Variants in MAN1A1 observed in about 807,000 individuals in gnomAD.
MAN1A1 encodes the protein mannosyl-oligosaccharide 1,2-alpha-mannosidase IA.
Under a neutral mutation model 70.8 loss-of-function variants are expected in MAN1A1, and 29 were observed. That is an observed-to-expected ratio of 0.41 (90% confidence interval 0.31 to 0.56). The LOEUF (loss-of-function observed/expected upper bound fraction) is 0.56. MAN1A1 is among the 20% of genes least tolerant of loss of function. MAN1A1 has a pLI of 0.29. For missense variants in MAN1A1, 747 were observed against 841.3 expected (o/e 0.89, Z 1.39); for synonymous variants, 349 against 330.1 (o/e 1.06, Z -0.62).
chr6:119,195,916 T>TG (rs1773557153), intron 8 of MAN1A1, among the ~76,000 whole-genome samples: 1 of 152,234 alleles, frequency 6.6e-6, no homozygotes, highest in Non-Finnish European at 1.5e-5. Context: ...CAGAAACCTC[T>TG]GACATTTACA....
intron 5 of MAN1A1, among the ~76,000 whole-genome samples, chr6:119,260,238 T>C (rs1015863137): frequency 6.6e-6 from 1 of 152,216 alleles, no homozygotes; most frequent in Non-Finnish European, 1.5e-5. Context: ...TTGAGCCAAT[T>C]TGGCCAAAGG....
chr6:119,309,989 T>G (rs1298980198), intron 2 of MAN1A1, among the ~76,000 whole-genome samples: 1 of 152,210 alleles, frequency 6.6e-6, no homozygotes, highest in Non-Finnish European at 1.5e-5. Flanking sequence ...GTATACAGGA[T>G]GCTGTCTCAT....
chr6:119,240,957 T>C, intron 6 of MAN1A1, among the ~76,000 whole-genome samples: 1 of 152,190 alleles, frequency 6.6e-6, no homozygotes, highest in Non-Finnish European at 1.5e-5. Flanking sequence ...TGCTTCATTC[T>C]TCACAGTACC....
chr6:119,207,758 T>TG (rs35144225), intron 6 of MAN1A1, among the ~76,000 whole-genome samples: 1 of 152,060 alleles, frequency 6.6e-6, no homozygotes, highest in South Asian at 2.1e-4. Flanking sequence ...GACACTCAAA[T>TG]GGGGGGGTTG....
At position 119,179,897 on chromosome 6, in the gene MAN1A1, A is replaced by G. The variant is rs753709393; in HGVS notation, c.1884T>C (p.His628=). 12 of 1,613,230 alleles carry G rather than the reference A, an allele frequency of 7.4e-6. No homozygotes were observed. Among genetic ancestry groups the G allele is most frequent in the East Asian group, 2.2e-5 (1 of 44,878 alleles). Residue 628 remains histidine, a synonymous_variant, in exon 13 of 13, where the codon CAT becomes CAC. Transcript: ENST00000368468. The part of the protein sequence containing the change: ...FSDDDLLPLE[H]WIFNSEAHLL... ...GATGTGCCTCGCTATTGAAGATCCA[A>G]TGCTCCAGTGGAAGAAGATCGTCGT...
At chr6:119,236,751 T>C (rs1172767249) in intron 6 of MAN1A1, among the ~76,000 whole-genome samples, 2 of 152,068 alleles carry the variant, frequency 1.3e-5, no homozygotes, top group Non-Finnish European at 1.5e-5. Flanking sequence ...TCAAGTGTTA[T>C]TATTTAAAAA....
At chr6:119,272,038 A>G (rs1026114911) in intron 5 of MAN1A1, among the ~76,000 whole-genome samples, 1 of 152,222 alleles carries the variant, frequency 6.6e-6, no homozygotes, top group African/African-American at 2.4e-5. Flanking sequence ...AGATTCCATG[A>G]AACAGCTTTA....
intron 5 of MAN1A1, among the ~76,000 whole-genome samples, chr6:119,254,250 G>C (rs1290128795): frequency 6.6e-6 from 1 of 152,150 alleles, no homozygotes; most frequent in Non-Finnish European, 1.5e-5. Flanking sequence ...CTTCAAATGG[G>C]GATAGGCATG....
intron 5 of MAN1A1, among the ~76,000 whole-genome samples, chr6:119,277,554 G>A (rs1776100055): frequency 6.6e-6 from 1 of 152,086 alleles, no homozygotes; most frequent in Non-Finnish European, 1.5e-5. Context: ...AGGGGCAGTG[G>A]CTCACATCTA....
At chr6:119,338,857 T>A (rs1003991817) in intron 2 of MAN1A1, among the ~76,000 whole-genome samples, 5 of 151,952 alleles carry the variant, frequency 3.3e-5, no homozygotes, top group Admixed American at 6.6e-5. Context: ...AGGGGAAAAA[T>A]TTTTTTTCTT....
At chr6:119,250,471 T>C (rs914499465) in intron 5 of MAN1A1, among the ~76,000 whole-genome samples, 4 of 152,164 alleles carry the variant, frequency 2.6e-5, no homozygotes, top group African/African-American at 9.7e-5. Flanking sequence ...TTAAAGGCTG[T>C]GGAAAGAAAT....
chr6:119,314,264 T>C, intron 2 of MAN1A1, among the ~76,000 whole-genome samples: 1 of 152,264 alleles, frequency 6.6e-6, no homozygotes, highest in East Asian at 1.9e-4. Context: ...TAAAGCATTA[T>C]GTGTAAGCTT....
At chr6:119,271,656 C>T (rs546254685) in intron 5 of MAN1A1, among the ~76,000 whole-genome samples, 4 of 152,108 alleles carry the variant, frequency 2.6e-5, no homozygotes, top group Admixed American at 6.5e-5. Context: ...TGCACCACTA[C>T]ACCTAGCTAT....
At chr6:119,332,038 C>G (rs781601060) in intron 2 of MAN1A1, 24 of 455,894 alleles carry the variant, frequency 5.3e-5, no homozygotes, top group Middle Eastern at 3.3e-4. Flanking sequence ...ATGTCAAATA[C>G]CCATATTCTG....
chr6:119,325,180 A>G (rs1425968420), intron 2 of MAN1A1, among the ~76,000 whole-genome samples: 1 of 152,182 alleles, frequency 6.6e-6, no homozygotes, highest in African/African-American at 2.4e-5. Context: ...TATTTACCTT[A>G]ACAGATGACA....
At chr6:119,328,775 A>T (rs559650708) in intron 2 of MAN1A1, among the ~76,000 whole-genome samples, 1 of 152,316 alleles carries the variant, frequency 6.6e-6, no homozygotes, top group Non-Finnish European at 1.5e-5. Context: ...GCAATATGAG[A>T]GGCTGTGAAA....
At chr6:119,341,819 AAGAT>A (rs1773600390) in intron 2 of MAN1A1, among the ~76,000 whole-genome samples, 1 of 152,240 alleles carries the variant, frequency 6.6e-6, no homozygotes. Context: ...TTCAATACTT[AAGAT>A]AGATAACTCA....
intron 5 of MAN1A1, among the ~76,000 whole-genome samples, chr6:119,284,796 A>G (rs1776319101): frequency 1.3e-5 from 2 of 152,274 alleles, no homozygotes; most frequent in South Asian, 2.1e-4. Flanking sequence ...AAATATGTGT[A>G]CATTTCTAAT....
At chr6:119,282,652 T>G (rs966364374) in intron 5 of MAN1A1, among the ~76,000 whole-genome samples, 8 of 152,140 alleles carry the variant, frequency 5.3e-5, no homozygotes, top group African/African-American at 1.9e-4. Flanking sequence ...TTATAAAAAT[T>G]TCAATAATGC....
Sources: gnomAD v4.1 joint callset for allele counts (sites outside exome capture counted in the v4.1 genomes callset) on GRCh38, gnomAD v4.1.1 for gene constraint, MANE v1.5 for transcripts, NCBI Gene and HGNC (gene_info 2026-07-23, HGNC 2026-07-21) for gene names.